CHST8: variants seen among roughly 807,000 people sequenced by gnomAD.
The protein encoded by CHST8 is GALNAC-4-ST1.
CHST8 carries 10 observed loss-of-function variants against 15.0 expected under a neutral mutation model. The ratio of observed to expected loss-of-function variants is 0.67; its 90% CI spans 0.41 to 1.13. CHST8 has a LOEUF of 1.13. Ranked by LOEUF, CHST8 falls within the 50% of genes most tolerant of loss-of-function variation. The pLI, the probability that CHST8 is intolerant of heterozygous loss-of-function variation, is 0.00. For synonymous variants in CHST8, 259 were observed against 256.6 expected (o/e 1.01, Z -0.09); for missense variants, 634 against 608.2 (o/e 1.04, Z -0.45).
chr19:33,709,609 C>T (rs1973511778), intron 3 of CHST8, among the ~76,000 whole-genome samples: 1 of 150,796 alleles, frequency 6.6e-6, no homozygotes. Flanking sequence ...TAAGTTTGCT[C>T]AAATTTTGTT....
intron 3 of CHST8, among the ~76,000 whole-genome samples, chr19:33,763,534 G>A (rs1036932611): frequency 5.9e-5 from 9 of 152,226 alleles, no homozygotes; most frequent in Non-Finnish European, 1.2e-4. Context: ...CCGTGTCCTA[G>A]GGCAGCAGGT....
chr19:33,758,711 T>A (rs1974656111), intron 3 of CHST8, among the ~76,000 whole-genome samples: 1 of 152,238 alleles, frequency 6.6e-6, no homozygotes, highest in Non-Finnish European at 1.5e-5. Context: ...AAGGACATGC[T>A]GCCCACGTCT....
intron 3 of CHST8, among the ~76,000 whole-genome samples, chr19:33,757,354 T>C (rs1039957598): frequency 2.1e-5 from 3 of 144,810 alleles, no homozygotes; most frequent in Non-Finnish European, 4.5e-5. Flanking sequence ...CACTCCAGCC[T>C]GGGCAACAGA....
chr19:33,695,086 A>G (rs1181794031), intron 3 of CHST8, among the ~76,000 whole-genome samples: 1 of 151,978 alleles, frequency 6.6e-6, no homozygotes, highest in Admixed American at 6.6e-5. Context: ...CGCTGAGACC[A>G]CAGGCAGACG....
intron 1 of CHST8, among the ~76,000 whole-genome samples, chr19:33,648,528 T>C (rs1972384792): frequency 6.6e-6 from 1 of 152,110 alleles, no homozygotes; most frequent in African/African-American, 2.4e-5. Context: ...GGTTTCAGGG[T>C]TCAGCCATGT....
At chr19:33,762,015 C>G (rs1974740020) in intron 3 of CHST8, among the ~76,000 whole-genome samples, 1 of 152,208 alleles carries the variant, frequency 6.6e-6, no homozygotes, top group Non-Finnish European at 1.5e-5. Context: ...AAGCAGGCAC[C>G]TGTGCAGCAC....
chr19:33,765,323 G>C (rs1340198343), intron 3 of CHST8, among the ~76,000 whole-genome samples: 1 of 151,940 alleles, frequency 6.6e-6, no homozygotes, highest in Non-Finnish European at 1.5e-5. Context: ...GACCCTGCTG[G>C]CACCTTCATT....
At chr19:33,634,975 C>T (rs1257839370) in intron 1 of CHST8, among the ~76,000 whole-genome samples, 1 of 152,182 alleles carries the variant, frequency 6.6e-6, no homozygotes, top group Admixed American at 6.5e-5. Flanking sequence ...GTGCCCCCAG[C>T]AGCCTTGCTC....
intron 1 of CHST8, among the ~76,000 whole-genome samples, chr19:33,641,049 C>A (rs549828529): frequency 2.6e-5 from 4 of 152,332 alleles, no homozygotes; most frequent in Admixed American, 1.3e-4. Context: ...GAAGGTCCCT[C>A]CCAGCACCAG....
intron 3 of CHST8, among the ~76,000 whole-genome samples, chr19:33,708,846 C>T (rs2145290225): frequency 6.6e-6 from 1 of 152,310 alleles, no homozygotes; most frequent in South Asian, 2.1e-4. Context: ...AATATTGAAT[C>T]TTACAATCCA....
rs748733098 is a variant in CHST8, at chr19:33,704,177, G to A, written c.130+14786G>A. On this transcript the variant is annotated intron_variant, in intron 3 of 4. Transcript: ENST00000650847. Reference sequence around the variant, plus strand: ...GTTTTCCACCAGGGCGGGACTGCAGGGATGATGATCCGTGAGCCCCTCACT... The same window carrying A: ...GTTTTCCACCAGGGCGGGACTGCAGAGATGATGATCCGTGAGCCCCTCACT... 4.6e-4 allele frequency among the ~76,000 whole-genome samples: 70 copies of A among 152,310 alleles called. 1 individual carries two copies. Among genetic ancestry groups the A allele is most frequent in the Middle Eastern group, 6.8e-3 (2 of 294 alleles).
At chr19:33,723,060 A>G (rs1973830674) in intron 3 of CHST8, among the ~76,000 whole-genome samples, 1 of 152,216 alleles carries the variant, frequency 6.6e-6, no homozygotes, top group Non-Finnish European at 1.5e-5. Context: ...CCAGGGCACC[A>G]GCCTGGCTCA....
chr19:33,758,546 G>A (rs1974651142), intron 3 of CHST8, among the ~76,000 whole-genome samples: 1 of 152,226 alleles, frequency 6.6e-6, no homozygotes, highest in Non-Finnish European at 1.5e-5. Flanking sequence ...AGCTGTGACA[G>A]GCTTGACAGC....
chr19:33,631,406 C>T (rs920092227), intron 1 of CHST8, among the ~76,000 whole-genome samples: 2 of 152,156 alleles, frequency 1.3e-5, no homozygotes, highest in Admixed American at 6.5e-5. Context: ...GTGGATTTCC[C>T]CTCCCTGTTG....
In CHST8 at chr19:33,757,604, G is replaced by A. The variant is rs138045833; in HGVS notation, c.131-13809G>A. ...AGAAAGAAAGAAAGAAAGAAAGAAA[G>A]AGCCGGCCATTCAGAAGGGAGCAGA... On this transcript the variant is annotated intron_variant, in intron 3 of 4. Transcript: ENST00000650847. Among the ~76,000 whole-genome samples the A allele has an allele frequency of 4.5e-3, 621 of 138,640 alleles. 13 individuals carry two copies. Among genetic ancestry groups the A allele is most frequent in the East Asian group, 7.1e-3 (33 of 4,664 alleles). The allele number at this position is 138,640 out of a possible 152,430, so 91.0% of individuals were successfully genotyped here.
intron 1 of CHST8, among the ~76,000 whole-genome samples, chr19:33,626,783 C>T (rs1427162928): frequency 6.0e-5 from 8 of 133,482 alleles, no homozygotes; most frequent in South Asian, 2.4e-4. Flanking sequence ...TTTTTTTTTC[C>T]TTTTTTTTTT....
chr19:33,684,079 G>T (rs994982114), intron 2 of CHST8, among the ~76,000 whole-genome samples: 1 of 152,160 alleles, frequency 6.6e-6, no homozygotes, highest in African/African-American at 2.4e-5. Flanking sequence ...GGCCCCCCTC[G>T]CTGTGGCTGT....
intron 3 of CHST8, among the ~76,000 whole-genome samples, chr19:33,745,435 C>G (rs1974295607): frequency 6.6e-6 from 1 of 152,252 alleles, no homozygotes; most frequent in South Asian, 2.1e-4. Flanking sequence ...GCTGCCTGTG[C>G]TCCACCTACC....
chr19:33,665,071 T>C (rs1304674436), intron 1 of CHST8, among the ~76,000 whole-genome samples: 7 of 152,346 alleles, frequency 4.6e-5, no homozygotes, highest in African/African-American at 1.4e-4. Context: ...GGAGTGTAGA[T>C]ATCTTTGTAA....
Sources: gnomAD v4.1 joint callset for allele counts (sites outside exome capture counted in the v4.1 genomes callset) on GRCh38, gnomAD v4.1.1 for gene constraint, MANE v1.5 for transcripts, NCBI Gene and HGNC (gene_info 2026-07-23, HGNC 2026-07-21) for gene names.